The following THSD7B variants were observed in gnomAD, a reference collection of about 807,000 sequenced individuals.
The protein encoded by THSD7B is thrombospondin type-1 domain-containing protein 7B.
A neutral mutation model predicts 213.6 loss-of-function variants in THSD7B; 138 were observed. That is an observed-to-expected ratio of 0.65 (90% CI 0.56 to 0.74). The LOEUF (loss-of-function observed/expected upper bound fraction) is 0.74, where lower values mean the gene tolerates loss of function less well. Ranked by LOEUF, THSD7B falls within the 30% of genes least tolerant of loss-of-function variation. The pLI is 0.00. For synonymous variants in THSD7B, 742 were observed against 687.0 expected (o/e 1.08, Z -1.25); for missense variants, 1,931 against 1,991.5 (o/e 0.97, Z 0.58).
intron 12 of THSD7B, among the ~76,000 whole-genome samples, chr2:137,326,355 TA>T (rs1414868602): frequency 1.3e-5 from 2 of 150,996 alleles, no homozygotes; most frequent in Non-Finnish European, 3.0e-5. Context: ...CAGTGTAGAT[TA>T]ATTTCTTCGC....
chr2:137,242,565 C>T lies in THSD7B; in HGVS notation c.2259C>T (p.Cys753=). 1.2e-6 allele frequency: 2 copies of T among 1,612,646 alleles called. No homozygotes were observed. Among genetic ancestry groups the T allele is most frequent in the Non-Finnish European group, 1.7e-6 (2 of 1,178,806 alleles). The change falls in exon 10 of 28, where the codon TGC becomes TGT. Residue 753 remains cysteine (C), a synonymous_variant. Transcript: ENST00000409968. ...AGTGGACACCCTGCCCAAGGATGTG[C>T]CAAGCAGGTAGGTGGATGCTGCGTT... ...FSEWTPCPRM[C]QAGNATVKQS... is the part of the protein sequence containing the mutation.
intron 4 of THSD7B, among the ~76,000 whole-genome samples, chr2:137,104,531 A>G (rs1461719664): frequency 6.6e-6 from 1 of 152,206 alleles, no homozygotes; most frequent in Admixed American, 6.5e-5. Flanking sequence ...TTCAAAAGCT[A>G]ACAGAAGACA....
intron 14 of THSD7B, among the ~76,000 whole-genome samples, chr2:137,425,577 T>C (rs1438224827): frequency 6.6e-6 from 1 of 152,170 alleles, no homozygotes; most frequent in East Asian, 1.9e-4. Flanking sequence ...TGCTATTGCA[T>C]TTATATCAGG....
At chr2:136,840,445 C>T (rs562935687) in intron 1 of THSD7B, among the ~76,000 whole-genome samples, 2 of 152,124 alleles carry the variant, frequency 1.3e-5, no homozygotes, top group East Asian at 1.9e-4. Context: ...AGTTGCAGAG[C>T]ATGTCAGGGT....
intron 5 of THSD7B, among the ~76,000 whole-genome samples, chr2:137,117,817 T>A (rs1005328946): frequency 6.6e-6 from 1 of 152,144 alleles, no homozygotes; most frequent in African/African-American, 2.4e-5. Flanking sequence ...ATAATAATTT[T>A]AAAAAATGCT....
At chr2:136,940,049 A>G (rs1684794900) in intron 2 of THSD7B, among the ~76,000 whole-genome samples, 1 of 152,094 alleles carries the variant, frequency 6.6e-6, no homozygotes, top group Non-Finnish European at 1.5e-5. Flanking sequence ...ACCCCCAAAT[A>G]AGTTTGGTTT....
chr2:136,888,444 T>C (rs187587463), intron 2 of THSD7B, among the ~76,000 whole-genome samples: 5 of 152,092 alleles, frequency 3.3e-5, no homozygotes, highest in Admixed American at 6.6e-5. Context: ...ATATTACCTA[T>C]TTATATATTA....
At chr2:137,390,234 A>G (rs1388075717) in intron 12 of THSD7B, among the ~76,000 whole-genome samples, 1 of 151,916 alleles carries the variant, frequency 6.6e-6, no homozygotes, top group Non-Finnish European at 1.5e-5. Context: ...TCATTGTTTT[A>G]TAGTTTTTCT....
chr2:137,423,080 C>T (rs961453549), intron 14 of THSD7B, among the ~76,000 whole-genome samples: 30 of 151,988 alleles, frequency 2.0e-4, no homozygotes, highest in Non-Finnish European at 3.2e-4. Flanking sequence ...AACAGAACTT[C>T]TAAACAAATG....
intron 12 of THSD7B, among the ~76,000 whole-genome samples, chr2:137,315,910 A>G (rs972065497): frequency 1.4e-4 from 22 of 152,178 alleles, no homozygotes; most frequent in Non-Finnish European, 2.1e-4. Context: ...TAGTTTGATG[A>G]TGTTTTAACA....
At chr2:137,201,331 G>A (rs1680871200) in intron 7 of THSD7B, among the ~76,000 whole-genome samples, 2 of 152,130 alleles carry the variant, frequency 1.3e-5, no homozygotes, top group Non-Finnish European at 2.9e-5. Flanking sequence ...CCATTGGTGG[G>A]CACTTGGGCT....
chr2:137,553,285 T>C (rs902858686), intron 15 of THSD7B, among the ~76,000 whole-genome samples: 5 of 152,088 alleles, frequency 3.3e-5, no homozygotes, highest in Non-Finnish European at 7.4e-5. Flanking sequence ...AAGCTGTAAA[T>C]TTTCTATTTT....
chr2:136,942,969 A>G (rs1684858578), intron 2 of THSD7B, among the ~76,000 whole-genome samples: 1 of 152,334 alleles, frequency 6.6e-6, no homozygotes, highest in Admixed American at 6.5e-5. Flanking sequence ...CCCAATCAGT[A>G]TGTTATTGGC....
rs187168231 is a variant in THSD7B at position 137,270,527 on chromosome 2, G to A, written c.2267-2006G>A. 9.6e-4 allele frequency among the ~76,000 whole-genome samples: 146 copies of A among 152,338 alleles called. 1 individual carries two copies. The highest frequency in any genetic ancestry group is 3.4e-3 in the African/African-American group (141 of 41,592). ...CAGAAACAAAAGGAGAGGGCCATTA[G>A]TGGAGGACATTAGTGGATGACAGAA... is the stretch of plus-strand genomic sequence containing the variant. On this transcript the variant is annotated intron_variant, in intron 10 of 27. Transcript: ENST00000409968.
chr2:136,963,816 C>T (rs1685271461), intron 2 of THSD7B, among the ~76,000 whole-genome samples: 1 of 152,074 alleles, frequency 6.6e-6, no homozygotes, highest in African/African-American at 2.4e-5. Flanking sequence ...TGAACTGGAT[C>T]GTCTTGAATG....
intron 1 of THSD7B, among the ~76,000 whole-genome samples, chr2:136,838,848 T>C (rs1682879437): frequency 6.6e-6 from 1 of 152,154 alleles, no homozygotes; most frequent in African/African-American, 2.4e-5. Context: ...AAGTATAAAA[T>C]CATCATTTCC....
intron 2 of THSD7B, among the ~76,000 whole-genome samples, chr2:136,983,375 A>ACACACACACACACACACACT (rs1685619627): frequency 6.7e-6 from 1 of 150,106 alleles, no homozygotes; most frequent in Admixed American, 6.6e-5. Flanking sequence ...ACACACGCAC[A>ACACACACACACACACACACT]CACACTCACT....
At chr2:137,191,151 C>T (rs1680648743) in intron 7 of THSD7B, among the ~76,000 whole-genome samples, 1 of 152,208 alleles carries the variant, frequency 6.6e-6, no homozygotes, top group Non-Finnish European at 1.5e-5. Context: ...GGTGACACCA[C>T]TCTTCCTGAG....
intron 2 of THSD7B, among the ~76,000 whole-genome samples, chr2:136,938,019 G>A (rs1198607613): frequency 2.0e-5 from 3 of 152,132 alleles, no homozygotes; most frequent in Non-Finnish European, 2.9e-5. Context: ...GGAAAAATAC[G>A]TATACTTTAA....
Sources: gnomAD v4.1 joint callset for allele counts (sites outside exome capture counted in the v4.1 genomes callset) on GRCh38, gnomAD v4.1.1 for gene constraint, MANE v1.5 for transcripts, NCBI Gene and HGNC (gene_info 2026-07-23, HGNC 2026-07-21) for gene names.